CTNNBL1: variants seen among roughly 807,000 people sequenced by gnomAD.
CTNNBL1 encodes beta-catenin-like protein 1.
CTNNBL1 carries 31 observed loss-of-function variants against 72.7 expected under a neutral mutation model. The ratio of observed to expected loss-of-function variants is 0.43; its 90% CI spans 0.32 to 0.58. The LOEUF (loss-of-function observed/expected upper bound fraction) is 0.58. Ranked by LOEUF, CTNNBL1 falls within the 20% of genes least tolerant of loss-of-function variation. The pLI, the probability that CTNNBL1 is intolerant of heterozygous loss-of-function variation, is 0.08. For missense variants in CTNNBL1, 534 were observed against 725.1 expected (o/e 0.74, Z 3.03); for synonymous variants, 240 against 267.3 (o/e 0.90, Z 1.00).
At chr20:37,725,855 G>A (rs145559790) in intron 1 of CTNNBL1, among the ~76,000 whole-genome samples, 1,829 of 152,036 alleles carry the variant, frequency 0.012, 39 homozygotes, top group African/African-American at 0.042. Flanking sequence ...GTGCTGGCAC[G>A]TGCCTGTAGT....
At chr20:37,800,343 A>G (rs1874625464) in intron 10 of CTNNBL1, among the ~76,000 whole-genome samples, 1 of 152,130 alleles carries the variant, frequency 6.6e-6, no homozygotes, top group African/African-American at 2.4e-5. Context: ...TTCCTCCTCC[A>G]GGCTTTACTA....
rs182530155 is a variant in CTNNBL1 at position 37,783,233 on chromosome 20, G to A, written c.1031+3898G>A. Among the ~76,000 whole-genome samples the A allele has an allele frequency of 2.0e-3, 304 of 151,976 alleles. 5 individuals carry two copies. Among genetic ancestry groups the A allele is most frequent in the African/African-American group, 7.2e-3 (297 of 41,460 alleles). On this transcript the variant is annotated intron_variant, in intron 10 of 15. Coordinates refer to ENST00000361383, the MANE Select transcript of CTNNBL1 (RefSeq NM_030877.5). Reference sequence around the variant, plus strand: ...GCCAAATGCCTCCTTTTTCATTTCCGGTTTTTATTTATTTGATCCTCTCTC... The same window carrying A: ...GCCAAATGCCTCCTTTTTCATTTCCAGTTTTTATTTATTTGATCCTCTCTC...
chr20:37,860,675 GA>G (rs954526499), intron 15 of CTNNBL1, among the ~76,000 whole-genome samples: 5 of 152,076 alleles, frequency 3.3e-5, no homozygotes, highest in African/African-American at 1.2e-4. Flanking sequence ...CTTTCTTAGG[GA>G]AAAAAAGCAA....
chr20:37,840,685 G>T (rs188183513), intron 12 of CTNNBL1, among the ~76,000 whole-genome samples: 17 of 152,246 alleles, frequency 1.1e-4, no homozygotes, highest in African/African-American at 4.1e-4. Flanking sequence ...GTAATAAAAT[G>T]AAGATAATGA....
At chr20:37,731,886 A>C (rs2073131983) in intron 1 of CTNNBL1, among the ~76,000 whole-genome samples, 1 of 152,206 alleles carries the variant, frequency 6.6e-6, no homozygotes, top group Non-Finnish European at 1.5e-5. Context: ...CAGGGCAGAT[A>C]TCTTCTCAGC....
rs926715530 is a variant in CTNNBL1, at chr20:37,828,292, C to T, written c.1214-11810C>T. On this transcript the variant is annotated intron_variant, in intron 11 of 15. Coordinates refer to ENST00000361383, the MANE Select transcript of CTNNBL1 (RefSeq NM_030877.5). ...ACATGTGTTGCAGAGAACGAGAGCT[C>T]ATCTCCGCACATCCTTACAAGCATT... Among the ~76,000 whole-genome samples the T allele has an allele frequency of 2.2e-4, 33 of 152,194 alleles. 1 individual carries two copies. The highest frequency in any genetic ancestry group is 7.7e-4 in the African/African-American group (32 of 41,432).
At chr20:37,834,094 G>T (rs2072234854) in intron 11 of CTNNBL1, among the ~76,000 whole-genome samples, 1 of 152,142 alleles carries the variant, frequency 6.6e-6, no homozygotes, top group Non-Finnish European at 1.5e-5. Context: ...GGTATACCTT[G>T]CTCCAGACTG....
intron 1 of CTNNBL1, among the ~76,000 whole-genome samples, chr20:37,715,560 T>A (rs1217537878): frequency 6.6e-6 from 1 of 152,238 alleles, no homozygotes; most frequent in African/African-American, 2.4e-5. Flanking sequence ...TATCTGACTT[T>A]GCCTTTTGAG....
At chr20:37,763,753 T>G (rs531583497) in intron 5 of CTNNBL1, among the ~76,000 whole-genome samples, 1 of 151,902 alleles carries the variant, frequency 6.6e-6, no homozygotes, top group East Asian at 1.9e-4. Context: ...AAAGTAGAGT[T>G]GGAGTTGGGC....
intron 1 of CTNNBL1, among the ~76,000 whole-genome samples, chr20:37,718,465 AC>A (rs541734480): frequency 9.7e-5 from 12 of 123,740 alleles, no homozygotes; most frequent in Non-Finnish European, 1.9e-4. Context: ...CGGGGGGCTG[AC>A]CCCCCCACCT....
intron 7 of CTNNBL1, among the ~76,000 whole-genome samples, chr20:37,775,333 T>G (rs1267041171): frequency 1.3e-5 from 2 of 152,226 alleles, no homozygotes; most frequent in Non-Finnish European, 2.9e-5. Flanking sequence ...ATTTTCACAG[T>G]TATTTTTGTC....
chr20:37,841,097 A>G (rs1034040838), intron 12 of CTNNBL1, among the ~76,000 whole-genome samples: 5 of 152,246 alleles, frequency 3.3e-5, no homozygotes, highest in African/African-American at 1.2e-4. Flanking sequence ...GATGACTTTC[A>G]TCGTTGCATA....
chr20:37,716,113 G>T (rs1167014115), intron 1 of CTNNBL1, among the ~76,000 whole-genome samples: 1 of 151,936 alleles, frequency 6.6e-6, no homozygotes, highest in South Asian at 2.1e-4. Context: ...TTATTCTACT[G>T]TTTATGTATA....
intron 13 of CTNNBL1, among the ~76,000 whole-genome samples, chr20:37,852,553 C>T (rs1218488491): frequency 6.6e-6 from 1 of 152,198 alleles, no homozygotes; most frequent in Non-Finnish European, 1.5e-5. Context: ...CTGAATCCAT[C>T]CACATACCCA....
chr20:37,779,162 G>A (rs763754021), intron 9 of CTNNBL1, 25 bp from the exon 10 acceptor site: 2 of 1,610,376 alleles, frequency 1.2e-6, no homozygotes, highest in South Asian at 2.2e-5. Context: ...ATAGCTCTGT[G>A]CTTTGTGCTG....
At chr20:37,774,124 G>T in intron 7 of CTNNBL1, among the ~76,000 whole-genome samples, 1 of 152,026 alleles carries the variant, frequency 6.6e-6, no homozygotes, top group South Asian at 2.1e-4. Context: ...ATGTTGCCCA[G>T]GCTGGTCTTG....
chr20:37,871,020 C>G (rs1174879199), intron 15 of CTNNBL1, among the ~76,000 whole-genome samples: 1 of 152,166 alleles, frequency 6.6e-6, no homozygotes, highest in Non-Finnish European at 1.5e-5. Context: ...AAAGTAGGCT[C>G]CACACAAGCA....
chr20:37,869,366 C>CA lies in CTNNBL1; in HGVS notation c.1604-2555dup, dbSNP rs570871226. On this transcript the variant is annotated intron_variant, in intron 15 of 15. Coordinates refer to ENST00000361383, the MANE Select transcript of CTNNBL1 (RefSeq NM_030877.5). ...TTGGATCAGCAGGTGTTTTATTATG[C>CA]AAAAGCCTCTTACTAGAGAGTTCTC... Among the ~76,000 whole-genome samples the CA allele has an allele frequency of 1.4e-4, 22 of 152,332 alleles. No individual in the cohort carries two copies. The East Asian group carries it at 4.0e-3, about 28-fold the overall frequency.
intron 13 of CTNNBL1, among the ~76,000 whole-genome samples, chr20:37,850,840 G>A (rs1485761994): frequency 2.6e-5 from 4 of 152,292 alleles, no homozygotes; most frequent in Middle Eastern, 3.4e-3. Context: ...GTCATGTCCC[G>A]TGTTATTAAG....
Sources: allele counts gnomAD v4.1 joint callset (sites outside exome capture counted in the v4.1 genomes callset), GRCh38; gene constraint gnomAD v4.1.1; transcripts MANE v1.5; gene names NCBI Gene and HGNC (gene_info 2026-07-23, HGNC 2026-07-21).